Variants in PPARG observed in about 807,000 individuals in gnomAD.
PPARG encodes peroxisome proliferator-activated receptor gamma.
PPARG carries 17 observed loss-of-function variants against 39.2 expected under a neutral mutation model. The observed-to-expected ratio is 0.43, with a 90% confidence interval of 0.30 to 0.65. PPARG has a LOEUF of 0.65. PPARG is among the 30% of genes least tolerant of loss of function. The pLI, the probability that PPARG is intolerant of heterozygous loss-of-function variation, is 0.13. For synonymous variants in PPARG, 223 were observed against 215.7 expected (o/e 1.03, Z -0.30); for missense variants, 406 against 585.9 (o/e 0.69, Z 3.17).
chr3:12,405,757 C>A, intron 5 of PPARG, 125 bp from the exon 6 acceptor site: 1 of 934,856 alleles, frequency 1.1e-6, no homozygotes. Flanking sequence ...AGACAGAAAC[C>A]AGGACTCAAG....
chr3:12,294,819 G>A (rs998810262), intron 1 of PPARG, among the ~76,000 whole-genome samples: 1 of 152,132 alleles, frequency 6.6e-6, no homozygotes, highest in Non-Finnish European at 1.5e-5. Context: ...GTTGAACCCG[G>A]GAGGCAGAGG....
intron 2 of PPARG, among the ~76,000 whole-genome samples, chr3:12,354,536 G>A (rs887545545): frequency 2.0e-5 from 3 of 151,992 alleles, no homozygotes; most frequent in Non-Finnish European, 4.4e-5. Flanking sequence ...ACGAGGTCAG[G>A]AGGTCAAGAG....
chr3:12,384,915 G>A (rs181446640), intron 4 of PPARG, among the ~76,000 whole-genome samples: 8 of 152,062 alleles, frequency 5.3e-5, no homozygotes. Context: ...ATCTCTTTGG[G>A]GTCTTCTATA....
At chr3:12,426,896 C>T (rs568217935) in intron 7 of PPARG, among the ~76,000 whole-genome samples, 2 of 152,278 alleles carry the variant, frequency 1.3e-5, no homozygotes, top group African/African-American at 2.4e-5. Flanking sequence ...ATTCCAACTG[C>T]GTCTCACTCA....
At chr3:12,375,533 A>C (rs1268538478) in intron 2 of PPARG, among the ~76,000 whole-genome samples, 1 of 152,224 alleles carries the variant, frequency 6.6e-6, no homozygotes, top group Admixed American at 6.5e-5. Context: ...ACCTTTGTGG[A>C]TATTACAGTG....
chr3:12,420,787 A>G (rs1215655066), intron 7 of PPARG, among the ~76,000 whole-genome samples: 1 of 152,182 alleles, frequency 6.6e-6, no homozygotes, highest in Non-Finnish European at 1.5e-5. Flanking sequence ...AAAACTGCTG[A>G]TACCATTTGA....
At chr3:12,303,959 A>C (rs964200271) in intron 1 of PPARG, among the ~76,000 whole-genome samples, 1 of 152,236 alleles carries the variant, frequency 6.6e-6, no homozygotes, top group Admixed American at 6.5e-5. Context: ...TGTTTCTATT[A>C]GCACTTGGAA....
At chr3:12,291,412 C>A (rs772642112) in intron 1 of PPARG, among the ~76,000 whole-genome samples, 3 of 152,126 alleles carry the variant, frequency 2.0e-5, no homozygotes, top group Non-Finnish European at 4.4e-5. Context: ...CAGTTAGTTT[C>A]ATAGCGTTCT....
intron 4 of PPARG, among the ~76,000 whole-genome samples, chr3:12,390,614 T>C (rs150269986): frequency 6.7e-6 from 1 of 149,720 alleles, no homozygotes. Context: ...TTACATAGTA[T>C]GTGATAAAGC....
In PPARG at chr3:12,385,942, A is replaced by T. The variant is rs531047268; in HGVS notation, c.390+4451A>T. ...AGCAATTAAGGAGAGATCAAAGAAA[A>T]TTTTTCAAATGATATGAAAAATTTG... On this transcript the variant is annotated intron_variant, in intron 4 of 7. Coordinates refer to ENST00000651735, the MANE Select transcript of PPARG (RefSeq NM_138711.6). Among the ~76,000 whole-genome samples the T allele has an allele frequency of 4.6e-5, 7 of 152,232 alleles. No individual in the cohort carries two copies. In the South Asian group the frequency reaches 1.4e-3, roughly 32 times the overall value.
chr3:12,298,661 A>G (rs2046854671), intron 1 of PPARG, among the ~76,000 whole-genome samples: 1 of 152,148 alleles, frequency 6.6e-6, no homozygotes, highest in African/African-American at 2.4e-5. Context: ...TTTATTCTGT[A>G]TGCCTCCCCA....
At chr3:12,372,184 A>G (rs2049242345) in intron 2 of PPARG, 1 of 717,136 alleles carries the variant, frequency 1.4e-6, no homozygotes, top group Non-Finnish European at 2.6e-6. Flanking sequence ...TCTTCATAGT[A>G]CATCCCCTGC....
intron 4 of PPARG, among the ~76,000 whole-genome samples, chr3:12,382,605 C>T (rs1327443636): frequency 1.3e-5 from 2 of 152,166 alleles, no homozygotes; most frequent in Non-Finnish European, 2.9e-5. Flanking sequence ...TTACTACATG[C>T]CAAATACTGT....
intron 2 of PPARG, among the ~76,000 whole-genome samples, chr3:12,346,836 C>G (rs1354223808): frequency 6.6e-6 from 1 of 151,744 alleles, no homozygotes; most frequent in African/African-American, 2.4e-5. Flanking sequence ...GGGTCTCACT[C>G]TGTTGCCCAG....
chr3:12,425,193 G>A (rs2051396269), intron 7 of PPARG, among the ~76,000 whole-genome samples: 1 of 152,336 alleles, frequency 6.6e-6, no homozygotes, highest in South Asian at 2.1e-4. Context: ...GGATTCGGAC[G>A]TCCTGTGGCC....
At position 12,370,077 on chromosome 3, in the gene PPARG, A is replaced by G. The variant is rs573867199; in HGVS notation, c.-8-9627A>G. The stretch of plus-strand genomic sequence containing the variant: ...CTTGGTTCTGGTGGAGAACTCTGGG[A>G]AAGAGTACGTGGGAGGTAACTTTTC... On this transcript the variant is annotated intron_variant, in intron 2 of 7. Coordinates refer to ENST00000651735, the MANE Select transcript of PPARG (RefSeq NM_138711.6). Among the ~76,000 whole-genome samples the G allele has an allele frequency of 5.3e-5, 8 of 152,226 alleles. No individual in the cohort carries two copies. In the East Asian group the frequency reaches 1.5e-3, roughly 29 times the overall value.
At chr3:12,330,968 C>T (rs1429527908) in intron 2 of PPARG, among the ~76,000 whole-genome samples, 3 of 152,088 alleles carry the variant, frequency 2.0e-5, no homozygotes, top group East Asian at 3.8e-4. Context: ...CATTAGAAAG[C>T]CCACATTTCA....
intron 2 of PPARG, among the ~76,000 whole-genome samples, chr3:12,363,863 C>CGTT: frequency 6.6e-6 from 1 of 152,004 alleles, no homozygotes; most frequent in East Asian, 1.9e-4. Context: ...ATCTAAACAC[C>CGTT]GTTCTTCTTC....
In PPARG at chr3:12,308,665, T is replaced by G. The variant is rs374989692; in HGVS notation, c.-82-3715T>G. 7.2e-5 allele frequency among the ~76,000 whole-genome samples: 11 copies of G among 152,338 alleles called. No individual in the cohort carries two copies. In the East Asian group the frequency reaches 1.3e-3, roughly 19 times the overall value. ...TGGTATCTGAGTAGTGGAAATACAC[T>G]GTAATATTTGTGCTGCTTTTAAATC... On this transcript the variant is annotated intron_variant, in intron 1 of 7. Transcript: ENST00000651735.
Sources: gnomAD v4.1 joint callset for allele counts (sites outside exome capture counted in the v4.1 genomes callset) on GRCh38, gnomAD v4.1.1 for gene constraint, MANE v1.5 for transcripts, NCBI Gene and HGNC (gene_info 2026-07-23, HGNC 2026-07-21) for gene names.